Variants in TCEAL4 observed in about 807,000 individuals in gnomAD.
TCEAL4 encodes the protein transcription elongation factor A like 4.
TCEAL4 carries 1 observed loss-of-function variant against 1.3 expected under a neutral mutation model. That is an observed-to-expected ratio of 0.79 (90% CI 0.28 to 3.76). The LOEUF (loss-of-function observed/expected upper bound fraction) is 3.76, where lower values mean the gene tolerates loss of function less well. TCEAL4 is among the 30% of genes most tolerant of loss of function. TCEAL4 has a pLI of 0.18. For synonymous variants in TCEAL4, 54 were observed against 50.7 expected (o/e 1.06, Z -0.28); for missense variants, 129 against 154.7 (o/e 0.83, Z 0.88).
At chrX:103,577,325 T>C (rs1460854004) in intron 2 of TCEAL4, 18 of 929,567 alleles carry the variant, frequency 1.9e-5, no homozygotes, top group Non-Finnish European at 2.6e-5. Context: ...TAAATAAACT[T>C]TGGTAACTCT....
upstream of TCEAL4, among the ~76,000 whole-genome samples, chrX:103,581,738 T>C (rs2073509156): frequency 8.9e-6 from 1 of 111,806 alleles, no homozygotes; most frequent in Non-Finnish European, 1.9e-5. Flanking sequence ...TGAAAGAACA[T>C]ACCTCAAAAT....
intron 2 of TCEAL4, chrX:103,577,264 T>C (rs998207048): frequency 8.9e-7 from 1 of 1,120,724 alleles, no homozygotes; most frequent in Non-Finnish European, 1.2e-6. Flanking sequence ...ATCAATGTTG[T>C]TAATAGTAAA....
upstream of TCEAL4, among the ~76,000 whole-genome samples, chrX:103,583,962 C>A (rs1236996928): frequency 9.0e-6 from 1 of 111,700 alleles, no homozygotes; most frequent in Non-Finnish European, 1.9e-5. Context: ...AAGTCTCACT[C>A]TGTCGCCCAG....
intron 1 of TCEAL4, chrX:103,576,964 C>A: frequency 2.4e-6 from 2 of 817,498 alleles, no homozygotes; most frequent in Non-Finnish European, 3.4e-6. Context: ...AGAATTGTTA[C>A]ATGGCAGCTG....
intron 1 of TCEAL4, chrX:103,585,971 G>A: frequency 6.5e-6 from 7 of 1,077,553 alleles, no homozygotes; most frequent in Non-Finnish European, 8.4e-6. Context: ...CGTGCGTAGA[G>A]AAAAACGTTG....
intron 2 of TCEAL4, among the ~76,000 whole-genome samples, chrX:103,579,088 G>C (rs1267983502): frequency 8.9e-6 from 1 of 112,107 alleles, no homozygotes; most frequent in Non-Finnish European, 1.9e-5. Flanking sequence ...TTGTTAAAAA[G>C]ACTATTCTTT....
At chrX:103,578,927 G>T (rs1358405681) in intron 2 of TCEAL4, among the ~76,000 whole-genome samples, 1 of 111,963 alleles carries the variant, frequency 8.9e-6, no homozygotes, top group Admixed American at 9.5e-5. Flanking sequence ...AGGTCATAAA[G>T]AATTACACCT....
intron 2 of TCEAL4, 67 bp from the exon 3 acceptor site, chrX:103,586,582 C>A: frequency 8.9e-7 from 1 of 1,118,567 alleles, no homozygotes. Context: ...GACCTGCATT[C>A]CACCCCATGC....
chrX:103,582,912 C>A (rs764001555), upstream of TCEAL4, among the ~76,000 whole-genome samples: 59 of 111,847 alleles, frequency 5.3e-4, no homozygotes, highest in African/African-American at 1.6e-3. Flanking sequence ...TTCTACACAG[C>A]AAACAAAACT....
upstream of TCEAL4, among the ~76,000 whole-genome samples, chrX:103,581,564 C>G (rs1323305934): frequency 2.7e-5 from 3 of 110,582 alleles, no homozygotes; most frequent in Non-Finnish European, 5.7e-5. Context: ...TGGCTTCATC[C>G]CCGAGATGCA....
At chrX:103,585,170 G>A (rs1456826497), upstream of TCEAL4, among the ~76,000 whole-genome samples, 2 of 111,391 alleles carry the variant, frequency 1.8e-5, no homozygotes, top group Non-Finnish European at 3.8e-5. Context: ...ATTTATTTTG[G>A]AAAATTTTTC....
chrX:103,587,375 T>G lies in TCEAL4; in HGVS notation c.*52T>G. 1 of 1,126,961 alleles carries G rather than the reference T, an allele frequency of 8.9e-7. No homozygotes were observed. The allele number at this position is 1,126,961 out of a possible 1,213,427, so 92.9% of individuals were successfully genotyped here. On this transcript the variant is annotated 3_prime_UTR_variant, in exon 3 of 3. Transcript: ENST00000472484. ...ATGTGCTTTAACGTTACGGTAATACTTTACTTTAGGCATCCCTCCTGTTGC... is the reference window on the plus strand; with the variant it reads ...ATGTGCTTTAACGTTACGGTAATACGTTACTTTAGGCATCCCTCCTGTTGC...
chrX:103,586,258 A>C lies in TCEAL4; in HGVS notation c.-61A>C. 1 of 1,166,549 alleles carries C rather than the reference A, an allele frequency of 8.6e-7. No individual in the cohort carries two copies. Among genetic ancestry groups the C allele is most frequent in the Non-Finnish European group, 1.1e-6 (1 of 872,993 alleles). Reference sequence around the variant, plus strand: ...TGTTCCCAGCGCTCTGCGAAGCCTGAAAAGGAGGAGCAACCTGTCCAGAAT... The same window carrying C: ...TGTTCCCAGCGCTCTGCGAAGCCTGCAAAGGAGGAGCAACCTGTCCAGAAT... On this transcript the variant is annotated 5_prime_UTR_variant, in exon 2 of 3. Coordinates refer to ENST00000472484, the MANE Select transcript of TCEAL4 (RefSeq NM_001006935.3).
At position 103,577,192 on chromosome X, in the gene TCEAL4, G is replaced by A. The variant is rs74849069; in HGVS notation, c.162G>A (p.Ser54=). Residue 54 remains serine, a synonymous_variant, in exon 2 of 5, where the codon TCG becomes TCA. Transcript: ENST00000372629. Reference sequence around the variant, plus strand: ...ATGTGGAGCGGGACATAACAACTTCGGAAATTAAATCTCTTCCCCAGGTAA... The same window carrying A: ...ATGTGGAGCGGGACATAACAACTTCAGAAATTAAATCTCTTCCCCAGGTAA... 1.0e-3 allele frequency: 1,176 copies of A among 1,163,813 alleles called. 18 individuals are homozygous for A. The East Asian group carries it at 0.027, about 27-fold the overall frequency.
At chrX:103,585,746 T>A in intron 1 of TCEAL4, 122 bp downstream of exon 1, 1 of 1,149,333 alleles carries the variant, frequency 8.7e-7, no homozygotes, top group Non-Finnish European at 1.2e-6. Flanking sequence ...GGCCCGAGTG[T>A]GGACAGAGAT....
intron 1 of TCEAL4, 180 bp downstream of exon 1, chrX:103,585,804 G>A (rs1569391238): frequency 9.1e-7 from 1 of 1,097,189 alleles, no homozygotes. Context: ...CACGTAGGCA[G>A]TGGGCAGAGG....
At chrX:103,584,020 C>G (rs1028772462), upstream of TCEAL4, among the ~76,000 whole-genome samples, 1 of 110,339 alleles carries the variant, frequency 9.1e-6, no homozygotes, top group African/African-American at 3.3e-5. Context: ...CTCTGCCTCT[C>G]GGGTTCAAGC....
upstream of TCEAL4, among the ~76,000 whole-genome samples, chrX:103,583,567 A>G (rs1242503403): frequency 8.9e-6 from 1 of 112,425 alleles, no homozygotes; most frequent in Non-Finnish European, 1.9e-5. Flanking sequence ...TTGCAGGCAC[A>G]TGGATGGAGC....
chrX:103,586,006 G>A, intron 1 of TCEAL4: 1 of 1,079,135 alleles, frequency 9.3e-7, no homozygotes, highest in Non-Finnish European at 1.2e-6. Flanking sequence ...GAGGAGAGTT[G>A]CCTCTGAGGA....
Sources: allele counts gnomAD v4.1 joint callset (sites outside exome capture counted in the v4.1 genomes callset), GRCh38; gene constraint gnomAD v4.1.1; transcripts MANE v1.5; gene names NCBI Gene and HGNC (gene_info 2026-07-23, HGNC 2026-07-21).